ZCCHC7: variants seen among roughly 807,000 people sequenced by gnomAD.
ZCCHC7 encodes the protein zinc finger CCHC domain-containing protein 7.
A neutral mutation model predicts 52.0 loss-of-function variants in ZCCHC7; 35 were observed. The observed-to-expected ratio is 0.67, with a 90% CI of 0.51 to 0.89. ZCCHC7 has a LOEUF of 0.89. ZCCHC7 is among the 40% of genes least tolerant of loss of function. ZCCHC7 has a pLI of 0.00. For synonymous variants in ZCCHC7, 217 were observed against 221.5 expected (o/e 0.98, Z 0.18); for missense variants, 574 against 649.1 (o/e 0.88, Z 1.26).
chr9:37,240,779 A>G (rs1250813120), intron 2 of ZCCHC7, among the ~76,000 whole-genome samples: 1 of 151,842 alleles, frequency 6.6e-6, no homozygotes, highest in East Asian at 1.9e-4. Context: ...ATGGAATTAA[A>G]CAAAAAATTT....
chr9:37,164,441 TTAGATAGATAGA>T (rs58626855), intron 2 of ZCCHC7, among the ~76,000 whole-genome samples: 25,637 of 139,366 alleles, frequency 0.18, 2,440 homozygotes, highest in Non-Finnish European at 0.21. Flanking sequence ...TGAGACTGTC[TTAGATAGATAGA>T]TAGATAGATA....
At chr9:37,215,642 G>A (rs977163606) in intron 2 of ZCCHC7, among the ~76,000 whole-genome samples, 5 of 152,246 alleles carry the variant, frequency 3.3e-5, no homozygotes, top group East Asian at 1.9e-4. Context: ...AGCAGCACAC[G>A]TTACTGACAA....
At chr9:37,127,770 C>T (rs560579455) in intron 2 of ZCCHC7, among the ~76,000 whole-genome samples, 1 of 152,242 alleles carries the variant, frequency 6.6e-6, no homozygotes, top group South Asian at 2.1e-4. Flanking sequence ...CAGCCTGCTT[C>T]CCTAGAAATG....
chr9:37,195,639 T>C (rs1174142729), intron 2 of ZCCHC7, among the ~76,000 whole-genome samples: 4 of 152,164 alleles, frequency 2.6e-5, no homozygotes, highest in Non-Finnish European at 4.4e-5. Context: ...GGGAAAGGCA[T>C]TGTAAACCAG....
At chr9:37,170,897 A>T (rs1475530323) in intron 2 of ZCCHC7, among the ~76,000 whole-genome samples, 1 of 152,182 alleles carries the variant, frequency 6.6e-6, no homozygotes, top group Non-Finnish European at 1.5e-5. Context: ...CTATAGGGTA[A>T]CACACAGCCA....
At chr9:37,202,059 T>C (rs1243586145) in intron 2 of ZCCHC7, among the ~76,000 whole-genome samples, 2 of 152,230 alleles carry the variant, frequency 1.3e-5, no homozygotes, top group African/African-American at 2.4e-5. Context: ...TACTGACTTA[T>C]TTGATCCTCT....
intron 2 of ZCCHC7, among the ~76,000 whole-genome samples, chr9:37,132,295 G>A (rs1213903574): frequency 1.3e-5 from 2 of 152,198 alleles, no homozygotes; most frequent in East Asian, 3.9e-4. Context: ...TTATTTTCCT[G>A]GTTAGGGAAG....
intron 2 of ZCCHC7, among the ~76,000 whole-genome samples, chr9:37,216,795 C>T (rs1471150943): frequency 6.6e-6 from 1 of 152,006 alleles, no homozygotes; most frequent in Non-Finnish European, 1.5e-5. Flanking sequence ...AGCCAGAAAA[C>T]GGAAGTCTTT....
chr9:37,302,209 C>A lies in ZCCHC7; in HGVS notation c.632C>A (p.Ser211Tyr). The A allele has an allele frequency of 6.2e-7, 1 of 1,607,796 alleles. No homozygotes were observed. The highest frequency in any genetic ancestry group is 1.1e-5 in the South Asian group (1 of 90,086). Reference sequence around the variant, plus strand: ...GTAGGAGAAGATGGTATAAACTGGTCCATCAGTGACAAAGACATTGAGGTA... The same window carrying A: ...GTAGGAGAAGATGGTATAAACTGGTACATCAGTGACAAAGACATTGAGGTA... ...VTEGEDGINW[S>Y]ISDKDIEAQI... is the part of the protein sequence containing the mutation. Residue 211 changes from serine to tyrosine, a missense_variant, in exon 3 of 9, where the codon TCC becomes TAC. Physicochemically the swap from Ser to Tyr is moderately radical, Grantham distance 144 (BLOSUM62 -2). Transcript: ENST00000336755.
At chr9:37,142,155 C>T (rs1473369801) in intron 2 of ZCCHC7, among the ~76,000 whole-genome samples, 3 of 151,462 alleles carry the variant, frequency 2.0e-5, no homozygotes, top group East Asian at 3.9e-4. Flanking sequence ...TCCTTTTTAC[C>T]ATTTAAAAAA....
In ZCCHC7 at chr9:37,343,692, G is replaced by A. The variant is rs528214166; in HGVS notation, c.988-5665G>A. ...ATCTACTTTCACCACCTTTATTGGT[G>A]CATAACTTATTTCCACTCTCTGTTG... On this transcript the variant is annotated intron_variant, in intron 6 of 8. Coordinates refer to ENST00000336755, the MANE Select transcript of ZCCHC7 (RefSeq NM_032226.3). 2.6e-5 allele frequency among the ~76,000 whole-genome samples: 4 copies of A among 152,266 alleles called. No individual in the cohort carries two copies. In the South Asian group the frequency reaches 6.2e-4, roughly 24 times the overall value.
intron 2 of ZCCHC7, among the ~76,000 whole-genome samples, chr9:37,192,160 G>A (rs1483878461): frequency 6.6e-6 from 1 of 152,154 alleles, no homozygotes; most frequent in Non-Finnish European, 1.5e-5. Flanking sequence ...AGTCTATAGG[G>A]TTATGTAGTC....
Position 37,331,986 on chromosome 9 carries a change from T to C in ZCCHC7, c.987+4152T>C, listed in dbSNP as rs1451044230. On this transcript the variant is annotated intron_variant, in intron 6 of 8. Transcript: ENST00000336755. ...TAGCACATAGGTTTTCATAAGCTAA[T>C]ACATTATAAGTTCATTTTGGAAGCT... Among the ~76,000 whole-genome samples, 3 of 151,700 alleles carry C rather than the reference T, an allele frequency of 2.0e-5. No individual in the cohort carries two copies. In the East Asian group the frequency reaches 5.8e-4, roughly 29 times the overall value.
At chr9:37,257,127 T>C (rs1210406490) in intron 2 of ZCCHC7, among the ~76,000 whole-genome samples, 1 of 152,232 alleles carries the variant, frequency 6.6e-6, no homozygotes, top group African/African-American at 2.4e-5. Flanking sequence ...GGAAAAGGAC[T>C]TTGAATCTGT....
rs1026471248 is a variant in ZCCHC7 at position 37,358,056 on chromosome 9, C to T, written c.*788C>T. ...GTTCTCTTGCATTTTTTTCAACTAC[C>T]GCAAAGCTATACAGATTTTTTTGTA... On this transcript the variant is annotated 3_prime_UTR_variant, in exon 9 of 9. Coordinates refer to ENST00000336755, the MANE Select transcript of ZCCHC7 (RefSeq NM_032226.3). 4 of 151,932 alleles carry T rather than the reference C, an allele frequency of 2.6e-5. No homozygotes were observed. The highest frequency in any genetic ancestry group is 4.4e-5 in the Non-Finnish European group (3 of 67,984). 9.4% of individuals were successfully genotyped at this position (151,932 alleles called of 1,614,324 possible). A position where few individuals can be genotyped will look rare whatever the true frequency, so the allele number is the denominator to read the frequency against.
chr9:37,199,494 G>C (rs1823483159), intron 2 of ZCCHC7, among the ~76,000 whole-genome samples: 5 of 151,472 alleles, frequency 3.3e-5, no homozygotes, highest in South Asian at 4.2e-4. Flanking sequence ...ACCACGCCCA[G>C]TTAATTTTTT....
intron 2 of ZCCHC7, among the ~76,000 whole-genome samples, chr9:37,164,482 TAGATAGATAGATAGATAGACAGACA>T (rs1361627425): frequency 6.9e-6 from 1 of 145,612 alleles, no homozygotes; most frequent in Non-Finnish European, 1.5e-5. Flanking sequence ...GATAGATAGA[TAGATAGATAGATAGATAGACAGACA>T]AGATAGATAG....
At position 37,132,766 on chromosome 9, in the gene ZCCHC7, G is replaced by T. The variant is rs567523775; in HGVS notation, c.610+5824G>T. On this transcript the variant is annotated intron_variant, in intron 2 of 8. Transcript: ENST00000336755. ...TAAGTCCGGGGTGTCCAATCTTTTGGCTTCCATGGGCCACATTGGAAGAAT... is the reference window on the plus strand; with the variant it reads ...TAAGTCCGGGGTGTCCAATCTTTTGTCTTCCATGGGCCACATTGGAAGAAT... 2.0e-5 allele frequency among the ~76,000 whole-genome samples: 3 copies of T among 152,260 alleles called. No homozygotes were observed. The South Asian group carries it at 6.2e-4, about 32-fold the overall frequency.
At chr9:37,228,261 C>A (rs1298915150) in intron 2 of ZCCHC7, among the ~76,000 whole-genome samples, 1 of 151,920 alleles carries the variant, frequency 6.6e-6, no homozygotes, top group Non-Finnish European at 1.5e-5. Context: ...ATGAAGGAAC[C>A]CTTTGGAGGC....
Sources: gnomAD v4.1 joint callset for allele counts (sites outside exome capture counted in the v4.1 genomes callset) on GRCh38, gnomAD v4.1.1 for gene constraint, MANE v1.5 for transcripts, NCBI Gene and HGNC (gene_info 2026-07-23, HGNC 2026-07-21) for gene names.